Variants in ACAD11 observed in about 807,000 individuals in gnomAD.
ACAD11 encodes acyl-Coenzyme A dehydrogenase family, member 11.
ACAD11 carries 83 observed loss-of-function variants against 102.2 expected under a neutral mutation model. The observed-to-expected ratio is 0.81, with a 90% CI of 0.68 to 0.97. ACAD11 has a LOEUF of 0.97. Ranked by LOEUF, ACAD11 falls within the 50% of genes least tolerant of loss-of-function variation. ACAD11 has a pLI of 0.00. For missense variants in ACAD11, 901 were observed against 951.7 expected (o/e 0.95, Z 0.70); for synonymous variants, 324 against 319.8 (o/e 1.01, Z -0.14).
chr3:132,603,215 G>A lies in ACAD11; in HGVS notation c.1621+14C>T, dbSNP rs1938691710. ...ATCAGTGTGTTAGGTGAAAAAATTA[G>A]GCTGAACACTCACCACTGCTCCACC... On this transcript the variant is annotated intron_variant, in intron 13 of 19. Coordinates refer to ENST00000264990, the MANE Select transcript of ACAD11 (RefSeq NM_032169.5). The A allele has an allele frequency of 1.2e-6, 2 of 1,607,974 alleles. No individual in the cohort carries two copies. The highest frequency in any genetic ancestry group is 1.7e-6 in the Non-Finnish European group (2 of 1,174,688).
At position 132,627,804 on chromosome 3, in the gene ACAD11, T is replaced by C. The variant is rs373319912; in HGVS notation, c.1070+536A>G. Among the ~76,000 whole-genome samples the C allele has an allele frequency of 3.9e-5, 6 of 152,296 alleles. No individual in the cohort carries two copies. The East Asian group carries it at 7.7e-4, about 20-fold the overall frequency. The stretch of plus-strand genomic sequence containing the variant: ...AAGCAATTGTCCTAACATTATGCCA[T>C]GGGTACTTGTGGGTTAAGCAGAATT... On this transcript the variant is annotated intron_variant, in intron 8 of 19. Coordinates refer to ENST00000264990, the MANE Select transcript of ACAD11 (RefSeq NM_032169.5).
Position 132,633,732 on chromosome 3 carries a change from G to C in ACAD11, c.703-2253C>G, listed in dbSNP as rs147701227. On this transcript the variant is annotated intron_variant, in intron 5 of 19. Coordinates refer to ENST00000264990, the MANE Select transcript of ACAD11 (RefSeq NM_032169.5). ...AGTAATAGACCAATGGAACAGAACA[G>C]AGCCCTCGGAAATAATACCACACAT... Among the ~76,000 whole-genome samples the C allele has an allele frequency of 9.5e-3, 1,446 of 152,270 alleles. 24 individuals carry two copies. Among genetic ancestry groups the C allele is most frequent in the African/African-American group, 0.033 (1,364 of 41,536 alleles).
intron 9 of ACAD11, among the ~76,000 whole-genome samples, chr3:132,621,597 T>C (rs989493924): frequency 4.6e-5 from 7 of 152,112 alleles, no homozygotes; most frequent in African/African-American, 9.7e-5. Context: ...TACTCGCACA[T>C]TCACACTAAA....
intron 9 of ACAD11, among the ~76,000 whole-genome samples, chr3:132,626,103 G>A (rs1163192196): frequency 3.3e-5 from 5 of 152,098 alleles, no homozygotes; most frequent in African/African-American, 9.7e-5. Flanking sequence ...AGCTTCACAT[G>A]AGCATAAGCC....
intron 1 of ACAD11, among the ~76,000 whole-genome samples, chr3:132,655,104 T>C (rs1937712070): frequency 6.6e-6 from 1 of 152,228 alleles, no homozygotes; most frequent in Non-Finnish European, 1.5e-5. Context: ...CTGCCGTATA[T>C]GCAGCCCGTC....
intron 13 of ACAD11, among the ~76,000 whole-genome samples, chr3:132,602,409 T>C (rs1938648891): frequency 6.6e-6 from 1 of 152,184 alleles, no homozygotes; most frequent in Non-Finnish European, 1.5e-5. Context: ...AATTCATCTG[T>C]TTATACAAGT....
chr3:132,562,416 G>A (rs1937089752), intron 17 of ACAD11, among the ~76,000 whole-genome samples: 1 of 152,206 alleles, frequency 6.6e-6, no homozygotes, highest in Admixed American at 6.5e-5. Flanking sequence ...TAGAGTTTCT[G>A]TGTATTTGTA....
At chr3:132,626,648 A>G (rs1182099016) in intron 9 of ACAD11, 43 bp downstream of exon 9, 1 of 1,607,166 alleles carries the variant, frequency 6.2e-7, no homozygotes, top group Admixed American at 1.7e-5. Flanking sequence ...GTATTCATTG[A>G]TAGTCCTTTA....
At chr3:132,572,730 G>A (rs1937416784) in intron 17 of ACAD11, among the ~76,000 whole-genome samples, 2 of 152,018 alleles carry the variant, frequency 1.3e-5, no homozygotes, top group Admixed American at 6.5e-5. Context: ...CCAGAAATGG[G>A]GCCACATACC....
chr3:132,607,364 C>T (rs1259997117), intron 11 of ACAD11, among the ~76,000 whole-genome samples: 1 of 152,088 alleles, frequency 6.6e-6, no homozygotes, highest in African/African-American at 2.4e-5. Flanking sequence ...TGCAAGGAAC[C>T]TAAGAACCTT....
chr3:132,558,843 C>G lies in ACAD11; in HGVS notation c.*128G>C. 1.5e-6 allele frequency: 1 copy of G among 680,026 alleles called. No individual in the cohort carries two copies. The highest frequency in any genetic ancestry group is 2.5e-6 in the Non-Finnish European group (1 of 397,602). The allele number at this position is 680,026 out of a possible 1,614,324, so 42.1% of individuals were successfully genotyped here. ...CACTGATCAAAATAGATGCTATAAT[C>G]TTTACCACAAATGAATAATTAACCC... On this transcript the variant is annotated 3_prime_UTR_variant, in exon 20 of 20. Transcript: ENST00000264990.
intron 13 of ACAD11, among the ~76,000 whole-genome samples, chr3:132,581,969 G>GA (rs1366857246): frequency 6.6e-6 from 1 of 151,990 alleles, no homozygotes; most frequent in Non-Finnish European, 1.5e-5. Flanking sequence ...TAGTAATCCT[G>GA]AAAATGTGAA....
chr3:132,636,920 A>C (rs1559971291), intron 5 of ACAD11, among the ~76,000 whole-genome samples: 1 of 152,164 alleles, frequency 6.6e-6, no homozygotes, highest in Non-Finnish European at 1.5e-5. Flanking sequence ...GAGAGTGGGA[A>C]CCGAGATGGG....
intron 14 of ACAD11, chr3:132,579,199 TA>T (rs1937564386): frequency 3.9e-6 from 3 of 769,680 alleles, no homozygotes; most frequent in Non-Finnish European, 5.7e-6. Context: ...ATCACTTCAT[TA>T]CACAGGTCTG....
chr3:132,562,208 G>A (rs554929596), intron 17 of ACAD11, among the ~76,000 whole-genome samples: 4 of 152,252 alleles, frequency 2.6e-5, no homozygotes, highest in African/African-American at 7.2e-5. Context: ...GGGTTCAAGC[G>A]ATTCTCCTGC....
rs60896328 is a variant in ACAD11 at position 132,628,414 on chromosome 3, A to G, written c.996T>C (p.Asn332=). ...CAAATAAAAAGCTATCCTCAGATGA[A>G]TTATTTCCCAGAAGATATCTGCTAT... ...GVYSRYLLGN[N]SSEDSFLFAN... is the part of the protein sequence containing the mutation. Residue 332 remains asparagine, a synonymous_variant, in exon 8 of 20, where the codon AAT becomes AAC. Transcript: ENST00000264990. The G allele has an allele frequency of 2.9e-3, 4,616 of 1,612,334 alleles. 102 individuals are homozygous for G. In the African/African-American group the frequency reaches 0.054, roughly 19 times the overall value.
chr3:132,584,492 A>C lies in ACAD11; in HGVS notation c.1622-4934T>G, dbSNP rs143922816. On this transcript the variant is annotated intron_variant, in intron 13 of 19. Coordinates refer to ENST00000264990, the MANE Select transcript of ACAD11 (RefSeq NM_032169.5). ...TGGGTTTCCTGAATACAGTACACTG[A>C]TGGGTCTTGACTCTTTTTCCAATTT... 6.1e-3 allele frequency among the ~76,000 whole-genome samples: 935 copies of C among 152,254 alleles called. 12 individuals carry two copies. The highest frequency in any genetic ancestry group is 0.022 in the African/African-American group (903 of 41,542).
At position 132,603,242 on chromosome 3, in the gene ACAD11, T is replaced by A. The variant is rs764000403; in HGVS notation, c.1608A>T (p.Lys536Asn). ...CTGAACACTCACCACTGCTCCACCA[T>A]TTTTTGCCGTTAATTACATAGCTAT... ...DEDSYVINGKKWWSSGAGNPK... is the reference protein window; with the variant it reads ...DEDSYVINGKNWWSSGAGNPK... Residue 536 changes from lysine to asparagine, a missense_variant, in exon 13 of 20, where the codon AAA becomes AAT. Transcript: ENST00000264990. The A allele has an allele frequency of 8.7e-6, 14 of 1,613,478 alleles. No homozygotes were observed. In the African/African-American group the frequency reaches 1.5e-4, roughly 17 times the overall value.
intron 17 of ACAD11, among the ~76,000 whole-genome samples, chr3:132,572,427 A>C (rs985000193): frequency 1.3e-5 from 2 of 152,242 alleles, no homozygotes; most frequent in African/African-American, 2.4e-5. Context: ...TTCCATGCTC[A>C]TGGATATGAA....
Sources: gnomAD v4.1 joint callset for allele counts (sites outside exome capture counted in the v4.1 genomes callset) on GRCh38, gnomAD v4.1.1 for gene constraint, MANE v1.5 for transcripts, NCBI Gene and HGNC (gene_info 2026-07-23, HGNC 2026-07-21) for gene names.